TNFSF4: variants seen among roughly 807,000 people sequenced by gnomAD.
TNFSF4 encodes tumor necrosis factor ligand superfamily member 4.
In TNFSF4, 4 loss-of-function variants were observed where a neutral mutation model predicts 7.3. That is an observed-to-expected ratio of 0.55 (90% CI 0.27 to 1.25). TNFSF4 has a LOEUF of 1.25. Among genes scored for constraint, TNFSF4 ranks in the 50% most tolerant of loss-of-function variants. The probability of loss-of-function intolerance (pLI) is 0.12; values close to 1 mark genes in which losing one functional copy is unlikely to be tolerated. For synonymous variants in TNFSF4, 76 were observed against 83.7 expected, an observed-to-expected ratio of 0.91 and a Z score of 0.50; for missense variants, 181 against 208.8, an observed-to-expected ratio of 0.87 and a Z score of 0.82.
At chr1:173,288,078 G>A in the TNFSF4 span, among the ~76,000 whole-genome samples, 2 of 152,222 alleles carry the variant, frequency 1.3e-5, no homozygotes, top group East Asian at 3.9e-4. Flanking sequence ...AATACATAAA[G>A]CAAAAATTTA....
At chr1:173,388,176 G>A in the TNFSF4 span, among the ~76,000 whole-genome samples, 1 of 152,198 alleles carries the variant, frequency 6.6e-6, no homozygotes, top group Non-Finnish European at 1.5e-5. Context: ...TTATATATTA[G>A]TTTCCCTTCT....
the TNFSF4 span, among the ~76,000 whole-genome samples, chr1:173,403,910 A>G: frequency 6.6e-6 from 1 of 152,198 alleles, no homozygotes; most frequent in East Asian, 1.9e-4. Flanking sequence ...TCAAAAAAAA[A>G]AAAAAGAGAG....
At chr1:173,304,249 T>A in the TNFSF4 span, among the ~76,000 whole-genome samples, 1 of 151,926 alleles carries the variant, frequency 6.6e-6, no homozygotes, top group Non-Finnish European at 1.5e-5. Context: ...TGCACGATAT[T>A]CAAAATAAAT....
the TNFSF4 span, among the ~76,000 whole-genome samples, chr1:173,331,641 T>C: frequency 1.3e-5 from 2 of 152,228 alleles, no homozygotes; most frequent in African/African-American, 4.8e-5. Flanking sequence ...AAAATTGGCA[T>C]CTCCTTCAGG....
rs551560388 is a variant in TNFSF4, at chr1:173,193,072, A to T, written c.154-4503T>A. Among the ~76,000 whole-genome samples, 15 of 152,316 alleles carry T rather than the reference A, an allele frequency of 9.8e-5. 1 individual carries two copies. The South Asian group carries it at 3.1e-3, about 32-fold the overall frequency. ...AAAAACAAAGACTAACAAAGTTATC[A>T]TATCAGTGCTCTGACTCCCTGTACC... On this transcript the variant is annotated intron_variant, in intron 1 of 2. Coordinates refer to ENST00000281834, the MANE Select transcript of TNFSF4 (RefSeq NM_003326.5).
chr1:173,377,556 G>C, the TNFSF4 span, among the ~76,000 whole-genome samples: 2 of 152,154 alleles, frequency 1.3e-5, no homozygotes, highest in Non-Finnish European at 2.9e-5. Flanking sequence ...CTTGCGTCCT[G>C]GGTCCTAATG....
the TNFSF4 span, among the ~76,000 whole-genome samples, chr1:173,323,294 A>G: frequency 7.9e-5 from 12 of 152,250 alleles, no homozygotes; most frequent in Non-Finnish European, 5.9e-5. Flanking sequence ...GTGGACCTTC[A>G]GTAAACTCTA....
chr1:173,364,299 G>A, the TNFSF4 span, among the ~76,000 whole-genome samples: 1 of 146,436 alleles, frequency 6.8e-6, no homozygotes, highest in South Asian at 2.1e-4. Context: ...AAAGAAAAAA[G>A]TAAGTATTTC....
the TNFSF4 span, among the ~76,000 whole-genome samples, chr1:173,410,979 C>A: frequency 6.6e-6 from 1 of 152,162 alleles, no homozygotes; most frequent in Non-Finnish European, 1.5e-5. Flanking sequence ...GTGGTTTTCA[C>A]CTTCATGAAG....
the TNFSF4 span, among the ~76,000 whole-genome samples, chr1:173,431,111 T>C: frequency 6.6e-6 from 1 of 152,278 alleles, no homozygotes; most frequent in Admixed American, 6.5e-5. Flanking sequence ...AAAGGGCATG[T>C]TATTTGTATT....
the TNFSF4 span, among the ~76,000 whole-genome samples, chr1:173,344,899 T>G: frequency 1.3e-5 from 2 of 152,228 alleles, no homozygotes; most frequent in Non-Finnish European, 2.9e-5. Context: ...CAAAGTCATC[T>G]ATAGAAGTAA....
At chr1:173,412,276 A>T in the TNFSF4 span, among the ~76,000 whole-genome samples, 1 of 152,138 alleles carries the variant, frequency 6.6e-6, no homozygotes, top group African/African-American at 2.4e-5. Flanking sequence ...CCCCATCTCA[A>T]GGCCAGCCCT....
upstream of TNFSF4, among the ~76,000 whole-genome samples, chr1:173,211,668 G>A (rs563273044): frequency 2.0e-4 from 30 of 152,044 alleles, no homozygotes; most frequent in Non-Finnish European, 3.4e-4. Context: ...AACCCTACAC[G>A]TTACACATTC....
the TNFSF4 span, among the ~76,000 whole-genome samples, chr1:173,345,255 G>A: frequency 2.6e-5 from 4 of 152,166 alleles, no homozygotes; most frequent in African/African-American, 4.8e-5. Context: ...CCTCACACAG[G>A]ACAGACGAAG....
chr1:173,299,794 G>T, the TNFSF4 span, among the ~76,000 whole-genome samples: 1 of 151,828 alleles, frequency 6.6e-6, no homozygotes, highest in African/African-American at 2.4e-5. Flanking sequence ...GATTCCACCT[G>T]CCCCCAACAT....
At chr1:173,410,466 T>C in the TNFSF4 span, among the ~76,000 whole-genome samples, 1 of 152,230 alleles carries the variant, frequency 6.6e-6, no homozygotes, top group African/African-American at 2.4e-5. Context: ...TGGTTCTCCG[T>C]ATACTCACTC....
At chr1:173,181,720 C>A (rs1649057769), downstream of TNFSF4, among the ~76,000 whole-genome samples, 2 of 152,164 alleles carry the variant, frequency 1.3e-5, no homozygotes. Flanking sequence ...GACTCAGGGC[C>A]ATCTGACCAG....
intron 2 of TNFSF4, among the ~76,000 whole-genome samples, chr1:173,187,338 G>C (rs916139711): frequency 2.0e-5 from 3 of 152,210 alleles, no homozygotes; most frequent in African/African-American, 7.2e-5. Flanking sequence ...TATGGGCAAA[G>C]GGTGGCAGTG....
chr1:173,304,557 G>A, the TNFSF4 span, among the ~76,000 whole-genome samples: 859 of 152,088 alleles, frequency 5.6e-3, 8 homozygotes, highest in Middle Eastern at 0.058. Context: ...AATCACTGCT[G>A]ATAGAAGCAC....
Sources: gnomAD v4.1 joint callset for allele counts (sites outside exome capture counted in the v4.1 genomes callset) on GRCh38, gnomAD v4.1.1 for gene constraint, MANE v1.5 for transcripts, NCBI Gene and HGNC (gene_info 2026-07-23, HGNC 2026-07-21) for gene names.